Variants in CENPC observed in about 807,000 individuals in gnomAD.
CENPC encodes the protein CENP-C 1.
In CENPC, 63 loss-of-function variants were observed where a neutral mutation model predicts 112.1. The ratio of observed to expected loss-of-function variants is 0.56; its 90% confidence interval spans 0.46 to 0.69. The LOEUF (loss-of-function observed/expected upper bound fraction) is 0.69, where lower values mean the gene tolerates loss of function less well. Ranked by LOEUF, CENPC falls within the 30% of genes least tolerant of loss-of-function variation. CENPC has a pLI of 0.00. For missense variants in CENPC, 1,000 were observed against 1,103.8 expected (o/e 0.91, Z 1.33); for synonymous variants, 333 against 367.6 (o/e 0.91, Z 1.08).
intron 13 of CENPC, 88 bp downstream of exon 13, chr4:67,495,071 C>T (rs1002061497): frequency 2.5e-6 from 3 of 1,217,548 alleles, no homozygotes; most frequent in South Asian, 1.7e-5. Context: ...CGTATTTCTC[C>T]TGCTTAAGAA....
chr4:67,479,500 A>C (rs1339858432), intron 17 of CENPC, among the ~76,000 whole-genome samples: 1 of 152,238 alleles, frequency 6.6e-6, no homozygotes, highest in Non-Finnish European at 1.5e-5. Flanking sequence ...ATAAAGATGA[A>C]AATTGAAAAA....
intron 4 of CENPC, among the ~76,000 whole-genome samples, chr4:67,532,663 C>T (rs1307458302): frequency 6.6e-6 from 1 of 151,916 alleles, no homozygotes; most frequent in East Asian, 1.9e-4. Context: ...AACCAAACAT[C>T]GCATGTTCTC....
chr4:67,536,837 T>C (rs908366027), intron 4 of CENPC, among the ~76,000 whole-genome samples: 28 of 151,416 alleles, frequency 1.8e-4, no homozygotes, highest in African/African-American at 6.5e-4. Context: ...AAAGCCAAAC[T>C]TGGTTTTCTG....
At chr4:67,481,127 A>G (rs1015894631) in intron 17 of CENPC, among the ~76,000 whole-genome samples, 3 of 152,204 alleles carry the variant, frequency 2.0e-5, no homozygotes, top group African/African-American at 7.2e-5. Flanking sequence ...ACACAAATCA[A>G]TAGCTCTGCT....
At chr4:67,520,944 G>A (rs771947398) in intron 5 of CENPC, among the ~76,000 whole-genome samples, 4 of 151,900 alleles carry the variant, frequency 2.6e-5, no homozygotes, top group African/African-American at 7.3e-5. Context: ...CCCAGGAGGC[G>A]GCGGTTGCAC....
chr4:67,521,367 A>AT (rs1458903106), intron 5 of CENPC, among the ~76,000 whole-genome samples: 1 of 152,112 alleles, frequency 6.6e-6, no homozygotes, highest in Non-Finnish European at 1.5e-5. Flanking sequence ...TCAAAGTAGC[A>AT]TTTTTTAAAA....
chr4:67,495,243 A>T (rs765597604), intron 12 of CENPC, 31 bp from the exon 13 acceptor site: 165 of 1,465,876 alleles, frequency 1.1e-4, no homozygotes, highest in Non-Finnish European at 1.4e-4. Flanking sequence ...TATCATAAGA[A>T]ATGACTGCTA....
At chr4:67,517,766 G>A (rs1726101238) in intron 7 of CENPC, among the ~76,000 whole-genome samples, 1 of 152,064 alleles carries the variant, frequency 6.6e-6, no homozygotes, top group South Asian at 2.1e-4. Flanking sequence ...GAACCCAGGA[G>A]GGAGAGGTTG....
rs371260217 is a variant in CENPC, at chr4:67,472,563, A to T, written c.*42T>A. ...TCCAACTATACAAACTGTTTTTCACATATACATATATACATACATATATTT... is the reference window on the plus strand; with the variant it reads ...TCCAACTATACAAACTGTTTTTCACTTATACATATATACATACATATATTT... On this transcript the variant is annotated 3_prime_UTR_variant, in exon 19 of 19. Transcript: ENST00000273853. 727 of 1,361,986 alleles carry T rather than the reference A, an allele frequency of 5.3e-4. 5 individuals are homozygous for T. The African/African-American group carries it at 0.01, about 19-fold the overall frequency. 84.4% of individuals were successfully genotyped at this position (1,361,986 alleles called of 1,614,324 possible).
chr4:67,475,765 A>AT lies in CENPC; in HGVS notation c.2671-788dup, dbSNP rs556044565. Among the ~76,000 whole-genome samples the AT allele has an allele frequency of 1.3e-3, 191 of 151,376 alleles. 2 individuals carry two copies. Among genetic ancestry groups the AT allele is most frequent in the Non-Finnish European group, 2.3e-3 (153 of 67,732 alleles). On this transcript the variant is annotated intron_variant, in intron 17 of 18. Coordinates refer to ENST00000273853, the MANE Select transcript of CENPC (RefSeq NM_001812.4). ...AGGCGCCCGCCATCGCGCCTGGCTA[A>AT]TTTTTTTTTGTATTTTTAGTAGAGA...
At chr4:67,492,367 T>C (rs1363594515) in intron 15 of CENPC, 92 bp from the exon 16 acceptor site, 3 of 686,972 alleles carry the variant, frequency 4.4e-6, no homozygotes. Flanking sequence ...TATAGAGAAG[T>C]TATAAAACTG....
rs748735880 is a variant in CENPC, at chr4:67,514,660, A to G, written c.858T>C (p.Ala286=). The change falls in exon 8 of 19, where the codon GCT becomes GCC. Residue 286 remains alanine, a synonymous_variant. Transcript: ENST00000273853. ...SSPIVRHAAT[A]PPHSCPPDDT... ...CATCGGGAGGACACGAATGAGGTGG[A>G]GCAGTTGCCGCATGCCTAACAATGG... 16 of 1,608,304 alleles carry G rather than the reference A, an allele frequency of 9.9e-6. No homozygotes were observed. Among genetic ancestry groups the G allele is most frequent in the Non-Finnish European group, 1.2e-5 (14 of 1,177,646 alleles).
chr4:67,518,057 A>G, intron 7 of CENPC, 99 bp downstream of exon 7: 6 of 652,848 alleles, frequency 9.2e-6, no homozygotes, highest in Non-Finnish European at 1.4e-5. Flanking sequence ...TGTTAATTAA[A>G]TTACTTATTT....
intron 17 of CENPC, among the ~76,000 whole-genome samples, chr4:67,481,898 G>A (rs1207296940): frequency 6.6e-6 from 1 of 152,078 alleles, no homozygotes; most frequent in Non-Finnish European, 1.5e-5. Context: ...CAAAATAGAT[G>A]GGACCTAATT....
rs758660047 is a variant in CENPC, at chr4:67,540,981, T to G, written c.135A>C (p.Lys45Asn). The G allele has an allele frequency of 8.7e-6, 14 of 1,602,802 alleles. No homozygotes were observed. The highest frequency in any genetic ancestry group is 1.2e-5 in the Non-Finnish European group (14 of 1,173,356). The change falls in exon 3 of 19, where the codon AAA becomes AAC. Residue 45 changes from lysine to asparagine, a missense_variant and splice_region_variant. Lys to Asn is a moderately conservative substitution (Grantham distance 94, BLOSUM62 0). Coordinates refer to ENST00000273853, the MANE Select transcript of CENPC (RefSeq NM_001812.4). Reference protein sequence around the residue: ...LEILQDCFEEKSLANDFSTNS... With the variant: ...LEILQDCFEENSLANDFSTNS... Reference sequence around the variant, plus strand: ...TTCCATCTTGAAATGAAGCCTTACTTTTTTCTTCAAAACAGTCTTGTAAGA... The same window carrying G: ...TTCCATCTTGAAATGAAGCCTTACTGTTTTCTTCAAAACAGTCTTGTAAGA...
chr4:67,494,038 T>A, intron 13 of CENPC, 50 bp from the exon 14 acceptor site: 1 of 1,079,026 alleles, frequency 9.3e-7, no homozygotes, highest in Non-Finnish European at 1.3e-6. Context: ...TAGTTGATGG[T>A]ACTTAGCAGT....
At chr4:67,497,931 C>A (rs1725486208) in intron 12 of CENPC, among the ~76,000 whole-genome samples, 1 of 151,630 alleles carries the variant, frequency 6.6e-6, no homozygotes, top group African/African-American at 2.4e-5. Flanking sequence ...TATTTTATTG[C>A]TAAAAATGCT....
chr4:67,536,930 A>G (rs984768858), intron 4 of CENPC, among the ~76,000 whole-genome samples: 8 of 151,618 alleles, frequency 5.3e-5, no homozygotes, highest in African/African-American at 1.9e-4. Context: ...GTGACTTACG[A>G]GCAGTAATCC....
At chr4:67,540,426 T>C (rs1343323390) in intron 3 of CENPC, among the ~76,000 whole-genome samples, 2 of 152,142 alleles carry the variant, frequency 1.3e-5, no homozygotes, top group Non-Finnish European at 2.9e-5. Context: ...CCCAACACTT[T>C]GGGAGGCTGA....
Sources: allele counts gnomAD v4.1 joint callset (sites outside exome capture counted in the v4.1 genomes callset), GRCh38; gene constraint gnomAD v4.1.1; transcripts MANE v1.5; gene names NCBI Gene and HGNC (gene_info 2026-07-23, HGNC 2026-07-21).